AGPS: variants seen among roughly 807,000 people sequenced by gnomAD.
The protein encoded by AGPS is alkylglycerone phosphate synthase, also known as alkyldihydroxyacetonephosphate synthase, peroxisomal.
Under a neutral mutation model 90.7 loss-of-function variants are expected in AGPS, and 26 were observed. The ratio of observed to expected loss-of-function variants is 0.29; its 90% CI spans 0.21 to 0.40. The LOEUF (loss-of-function observed/expected upper bound fraction) is 0.40. AGPS is among the 10% of genes least tolerant of loss of function. The pLI is 1.00. For missense variants in AGPS, 540 were observed against 816.1 expected, an observed-to-expected ratio of 0.66 and a Z score of 4.12; for synonymous variants, 294 against 285.3, an observed-to-expected ratio of 1.03 and a Z score of -0.31.
At chr2:177,442,293 G>C in intron 6 of AGPS, 114 bp from the exon 7 acceptor site, 1 of 815,238 alleles carries the variant, frequency 1.2e-6, no homozygotes, top group South Asian at 1.4e-5. Flanking sequence ...AGTATTAATA[G>C]GTATCACTTT....
At chr2:177,459,464 C>T (rs564363939) in intron 8 of AGPS, among the ~76,000 whole-genome samples, 8 of 152,160 alleles carry the variant, frequency 5.3e-5, no homozygotes, top group African/African-American at 1.9e-4. Flanking sequence ...AGAACATAAA[C>T]AAATTTACAA....
intron 7 of AGPS, among the ~76,000 whole-genome samples, chr2:177,444,565 C>T (rs1343353578): frequency 6.6e-6 from 1 of 152,012 alleles, no homozygotes; most frequent in Non-Finnish European, 1.5e-5. Context: ...GTGAATTAAG[C>T]AGTGCAGTTA....
chr2:177,470,694 G>A (rs1687588080), intron 10 of AGPS, among the ~76,000 whole-genome samples: 1 of 129,730 alleles, frequency 7.7e-6, no homozygotes, highest in Non-Finnish European at 1.6e-5. Flanking sequence ...CTGGGTGATG[G>A]AGTGAGACTT....
chr2:177,493,271 C>T (rs970895583), intron 12 of AGPS, 72 bp downstream of exon 12: 43 of 1,323,164 alleles, frequency 3.2e-5, no homozygotes, highest in Admixed American at 6.7e-5. Context: ...AGGAAGAGTA[C>T]GGAGTGCAGA....
intron 10 of AGPS, among the ~76,000 whole-genome samples, chr2:177,471,743 C>T (rs1245153943): frequency 1.3e-5 from 2 of 152,120 alleles, no homozygotes; most frequent in Admixed American, 6.5e-5. Flanking sequence ...TATATATCCC[C>T]AGAGTTCTGG....
At chr2:177,459,928 A>G (rs980227286) in intron 8 of AGPS, among the ~76,000 whole-genome samples, 37 of 152,364 alleles carry the variant, frequency 2.4e-4, no homozygotes, top group Admixed American at 7.8e-4. Context: ...ATGTCCATCA[A>G]TGATAGACTG....
chr2:177,490,022 C>G (rs1688204081), intron 11 of AGPS, among the ~76,000 whole-genome samples: 2 of 152,116 alleles, frequency 1.3e-5, no homozygotes, highest in African/African-American at 4.8e-5. Flanking sequence ...CTTGTGCTGT[C>G]TCTGACTTTT....
rs796668597 is a variant in AGPS at position 177,431,099 on chromosome 2, T to TC, written c.351-3228_351-3227insC. Among the ~76,000 whole-genome samples the TC allele has an allele frequency of 3.9e-5, 6 of 152,324 alleles. No homozygotes were observed. The East Asian group carries it at 1.2e-3, about 29-fold the overall frequency. On this transcript the variant is annotated intron_variant, in intron 2 of 19. Transcript: ENST00000264167. ...CAACATAGGTTCTATTTTCCCTAAG[T>TC]GTCGGCTGGTCTGAGAAATAAACAG...
intron 8 of AGPS, among the ~76,000 whole-genome samples, chr2:177,454,437 A>G (rs572989789): frequency 1.1e-4 from 16 of 152,066 alleles, no homozygotes; most frequent in African/African-American, 3.9e-4. Context: ...TTTTGAACAT[A>G]TAGAATACAG....
chr2:177,463,513 T>A (rs572808605), intron 9 of AGPS, among the ~76,000 whole-genome samples: 2 of 152,322 alleles, frequency 1.3e-5, no homozygotes, highest in East Asian at 3.8e-4. Flanking sequence ...AAATCTAAAG[T>A]TTCCACATTT....
chr2:177,530,268 G>T (rs1341400072), intron 19 of AGPS, among the ~76,000 whole-genome samples: 1 of 152,132 alleles, frequency 6.6e-6, no homozygotes, highest in Non-Finnish European at 1.5e-5. Flanking sequence ...TATGAAATTT[G>T]CTATCGAAGA....
chr2:177,505,424 T>A (rs968877768), intron 14 of AGPS, 82 bp from the exon 15 acceptor site: 2 of 1,234,008 alleles, frequency 1.6e-6, no homozygotes, highest in Non-Finnish European at 2.4e-6. Context: ...TTCAAACTTA[T>A]TCTCTTGACA....
At chr2:177,469,785 G>A (rs1329839688) in intron 10 of AGPS, among the ~76,000 whole-genome samples, 1 of 151,830 alleles carries the variant, frequency 6.6e-6, no homozygotes, top group East Asian at 1.9e-4. Context: ...TTACATAATT[G>A]GAGTCAACTC....
chr2:177,499,585 T>C (rs1688498012), intron 13 of AGPS, 33 bp from the exon 14 acceptor site: 1 of 1,343,676 alleles, frequency 7.4e-7, no homozygotes, highest in African/African-American at 1.5e-5. Context: ...GGATAAGACT[T>C]ATCTGTAATA....
rs1196395183 is a variant in AGPS at position 177,539,234 on chromosome 2, T to C, written c.*1039T>C. 2 of 152,064 alleles carry C rather than the reference T, an allele frequency of 1.3e-5. No homozygotes were observed. The highest frequency in any genetic ancestry group is 2.9e-5 in the Non-Finnish European group (2 of 67,938). The allele number at this position is 152,064 out of a possible 1,614,324, so 9.4% of individuals were successfully genotyped here. A position where few individuals can be genotyped will look rare whatever the true frequency, so the allele number is the denominator to read the frequency against. ...ATAAATTTTCATATAAAAAGTAAAG[T>C]TTCAATTTAGTTTTTAATAATGGTT... On this transcript the variant is annotated 3_prime_UTR_variant, in exon 20 of 20. Coordinates refer to ENST00000264167, the MANE Select transcript of AGPS (RefSeq NM_003659.4).
chr2:177,463,177 A>T (rs778172584), intron 9 of AGPS, among the ~76,000 whole-genome samples: 1 of 152,202 alleles, frequency 6.6e-6, no homozygotes, highest in Non-Finnish European at 1.5e-5. Flanking sequence ...ATAATAGTAT[A>T]TAACTCTGGG....
chr2:177,514,110 C>T (rs1050303781), intron 17 of AGPS, among the ~76,000 whole-genome samples: 1 of 152,070 alleles, frequency 6.6e-6, no homozygotes. Context: ...AGTAGGACAC[C>T]CTTCTGTGAG....
chr2:177,515,538 A>G (rs1191829404), intron 17 of AGPS, among the ~76,000 whole-genome samples: 1 of 151,660 alleles, frequency 6.6e-6, no homozygotes, highest in African/African-American at 2.4e-5. Flanking sequence ...TAACATTATG[A>G]AACTATCGTG....
intron 2 of AGPS, among the ~76,000 whole-genome samples, chr2:177,431,159 C>T (rs909635617): frequency 8.5e-5 from 13 of 152,212 alleles, no homozygotes; most frequent in South Asian, 2.1e-4. Flanking sequence ...ACAGCTGGGC[C>T]GCCGGGGGTG....
Sources: gnomAD v4.1 joint callset for allele counts (sites outside exome capture counted in the v4.1 genomes callset) on GRCh38, gnomAD v4.1.1 for gene constraint, MANE v1.5 for transcripts, NCBI Gene and HGNC (gene_info 2026-07-23, HGNC 2026-07-21) for gene names.